The following MYH10 variants were observed in gnomAD, a reference collection of about 807,000 sequenced individuals.
MYH10 encodes the protein myosin heavy chain 10, also known as myosin-10.
In MYH10, 55 loss-of-function variants were observed where a neutral mutation model predicts 257.8. The observed-to-expected ratio is 0.21, with a 90% CI of 0.17 to 0.27. MYH10 has a LOEUF of 0.27. Ranked by LOEUF, MYH10 falls within the 10% of genes least tolerant of loss-of-function variation. The probability of loss-of-function intolerance (pLI) is 1.00; values close to 1 mark genes in which losing one functional copy is unlikely to be tolerated. For missense variants in MYH10, 1,631 were observed against 2,500.6 expected, an observed-to-expected ratio of 0.65 and a Z score of 7.42; for synonymous variants, 854 against 921.7, an observed-to-expected ratio of 0.93 and a Z score of 1.33.
intron 3 of MYH10, among the ~76,000 whole-genome samples, chr17:8,597,458 A>G (rs1232192021): frequency 6.6e-6 from 1 of 151,910 alleles, no homozygotes; most frequent in Non-Finnish European, 1.5e-5. Context: ...TAAAGAGGGA[A>G]TCCAGAATAG....
At position 8,545,521 on chromosome 17, in the gene MYH10, G is replaced by A; in HGVS notation, c.1358C>T (p.Ala453Val). The change falls in exon 13 of 43, where the codon GCT (alanine) becomes GTT (valine). Residue 453 changes from alanine (A) to valine (V), a missense_variant. By Grantham distance (64) the Ala-to-Val change is moderately conservative. Transcript: ENST00000360416. This position sits in a 1 kb window ranked among gnomAD's most constrained non-coding sequence, Gnocchi z 4.7. ...TCCCTGACGTTTGGTCCTATCCAGA[G>A]CTTTATTGATGCGATGAACGAGCCA... ...FRWLVHRINK[A>V]LDRTKRQGAS... is the part of the protein sequence containing the mutation. 6.2e-7 allele frequency: 1 copy of A among 1,614,152 alleles called. No individual in the cohort carries two copies. Among genetic ancestry groups the A allele is most frequent in the Non-Finnish European group, 8.5e-7 (1 of 1,180,018 alleles).
chr17:8,518,810 A>G lies in MYH10; in HGVS notation c.2344-19T>C, dbSNP rs369647874. On this transcript the variant is annotated intron_variant, in intron 20 of 42. Coordinates refer to ENST00000360416, the MANE Select transcript of MYH10 (RefSeq NM_001256012.3). ...CCCGGATCTAAGAGAGAAAGAGTTTATTTACTTTTTTTAACTACAAGAAAG... is the reference window on the plus strand; with the variant it reads ...CCCGGATCTAAGAGAGAAAGAGTTTGTTTACTTTTTTTAACTACAAGAAAG... 9.3e-6 allele frequency: 15 copies of G among 1,604,894 alleles called. No individual in the cohort carries two copies. Among genetic ancestry groups the G allele is most frequent in the Non-Finnish European group, 1.3e-5 (15 of 1,177,434 alleles).
In MYH10 at chr17:8,569,966, TTA is replaced by T. The variant is rs1338599678; in HGVS notation, c.664-156_664-155del. The stretch of plus-strand genomic sequence containing the variant: ...CCATCCAGCAACTTTTGTTGGCTTC[TTA>T]ATCCTGGTTATGATAATGGACTCCA... On this transcript the variant is annotated intron_variant, in intron 6 of 42. Transcript: ENST00000360416. The surrounding 1 kb of genome is among the most constrained non-coding windows in gnomAD (Gnocchi z 4.1). Among the ~76,000 whole-genome samples the T allele has an allele frequency of 6.6e-6, 1 of 152,208 alleles. No individual in the cohort carries two copies. Among genetic ancestry groups the T allele is most frequent in the Non-Finnish European group, 1.5e-5 (1 of 68,044 alleles).
At chr17:8,516,782 G>A (rs1041912404) in intron 21 of MYH10, among the ~76,000 whole-genome samples, 4 of 152,192 alleles carry the variant, frequency 2.6e-5, no homozygotes, top group Non-Finnish European at 4.4e-5. Flanking sequence ...AGTGGATACA[G>A]TGAGGAGAGT....
intron 17 of MYH10, among the ~76,000 whole-genome samples, chr17:8,529,918 A>G (rs2081962995): frequency 6.6e-6 from 1 of 152,202 alleles, no homozygotes; most frequent in South Asian, 2.1e-4. Context: ...GTATTGTAAT[A>G]CAGGGCTGAG....
In MYH10 at chr17:8,503,245, C is replaced by T. The variant is rs187391059; in HGVS notation, c.3599+1449G>A. Among the ~76,000 whole-genome samples, 634 of 151,882 alleles carry T rather than the reference C, an allele frequency of 4.2e-3. 3 individuals are homozygous for T. The highest frequency in any genetic ancestry group is 0.015 in the African/African-American group (601 of 41,246). On this transcript the variant is annotated intron_variant, in intron 28 of 42. Transcript: ENST00000360416. ...TTGCAGTGAGCCGAGATCGCACCAT[C>T]GTGCTCCGGCCTGGGCAACAAGAGC... is the stretch of plus-strand genomic sequence containing the variant.
intron 2 of MYH10, among the ~76,000 whole-genome samples, chr17:8,622,697 T>C (rs2085512709): frequency 6.6e-6 from 1 of 152,216 alleles, no homozygotes; most frequent in South Asian, 2.1e-4. Flanking sequence ...AATTGCAGCC[T>C]GTATTATTTA....
chr17:8,518,059 T>A (rs2081528960), intron 21 of MYH10, among the ~76,000 whole-genome samples: 1 of 148,344 alleles, frequency 6.7e-6, no homozygotes, highest in African/African-American at 2.5e-5. Context: ...TGAGAAGCAT[T>A]CTCTGAGGAC....
chr17:8,532,751 G>C (rs1424289256), intron 16 of MYH10, among the ~76,000 whole-genome samples: 1 of 152,166 alleles, frequency 6.6e-6, no homozygotes, highest in African/African-American at 2.4e-5. Flanking sequence ...TTTCTCAACT[G>C]GATCACTAGC....
At position 8,589,127 on chromosome 17, in the gene MYH10, C is replaced by T. The variant is rs1309126790; in HGVS notation, c.503-19G>A. 2 of 1,607,080 alleles carry T rather than the reference C, an allele frequency of 1.2e-6. No individual in the cohort carries two copies. Among genetic ancestry groups the T allele is most frequent in the Admixed American group, 1.7e-5 (1 of 58,314 alleles). ...TCACGATCTATAAAACAGAACAAAA[C>T]AAACAAAAAAAAGAAAGTGACCATT... On this transcript the variant is annotated intron_variant, in intron 3 of 42. Coordinates refer to ENST00000360416, the MANE Select transcript of MYH10 (RefSeq NM_001256012.3).
intron 36 of MYH10, among the ~76,000 whole-genome samples, chr17:8,485,706 T>C (rs1053418136): frequency 2.0e-5 from 3 of 152,140 alleles, no homozygotes; most frequent in South Asian, 4.1e-4. Context: ...TGTGGAGAAA[T>C]TGGAACCCTC....
Position 8,542,249 on chromosome 17 carries a change from T to C in MYH10, c.1463A>G (p.Tyr488Cys). 1 of 1,614,074 alleles carries C rather than the reference T, an allele frequency of 6.2e-7. No individual in the cohort carries two copies. Among genetic ancestry groups the C allele is most frequent in the South Asian group, 1.1e-5 (1 of 91,056 alleles). The stretch of plus-strand genomic sequence containing the variant: ...CAGCTGCTGCAGCTTCTCATTGGTG[T>C]AGTTGATGCAAAGTTGTTCAAAGGA... Reference protein sequence around the residue: ...LNSFEQLCINYTNEKLQQLFN... With the variant: ...LNSFEQLCINCTNEKLQQLFN... The change falls in exon 14 of 43, where the codon TAC becomes TGC. Residue 488 changes from tyrosine (Y) to cysteine (C), a missense_variant. Around this residue, in one of 11 missense-constraint regions of MYH10, gnomAD observed 63 missense variants for 167.9 expected, o/e 0.38. Transcript: ENST00000360416.
At chr17:8,591,941 T>C (rs971275007) in intron 3 of MYH10, among the ~76,000 whole-genome samples, 2 of 152,214 alleles carry the variant, frequency 1.3e-5, no homozygotes, top group Non-Finnish European at 2.9e-5. Flanking sequence ...CCACCTCTGC[T>C]TCACTGAATC....
chr17:8,585,616 G>A (rs1463695934), intron 4 of MYH10, among the ~76,000 whole-genome samples: 6 of 151,796 alleles, frequency 4.0e-5, no homozygotes, highest in African/African-American at 1.5e-4. Flanking sequence ...TAATAGACAT[G>A]AACATGAAAA....
intron 28 of MYH10, among the ~76,000 whole-genome samples, chr17:8,501,268 G>A (rs1377335639): frequency 6.6e-6 from 1 of 152,024 alleles, no homozygotes; most frequent in Non-Finnish European, 1.5e-5. Context: ...ACGCCAGCCT[G>A]GGCGAGTGAG....
At chr17:8,610,767 G>T (rs2085010019) in intron 2 of MYH10, among the ~76,000 whole-genome samples, 1 of 152,156 alleles carries the variant, frequency 6.6e-6, no homozygotes, top group South Asian at 2.1e-4. Context: ...CCTTGACCTT[G>T]GACTTCCCAG....
chr17:8,622,910 G>C lies in MYH10; in HGVS notation c.337C>G (p.Leu113Val), dbSNP rs1012910851. ...TTGGAAGAAATACTTACATAGATTA[G>C]TCCTGAATAGTAGCGATCCTTCAGA... ...HNLKDRYYSG[L>V]IYTYSGLFCV... is the part of the protein sequence containing the mutation. Residue 113 changes from leucine (L) to valine (V), a missense_variant, in exon 2 of 43, where the codon CTA (leucine) becomes GTA (valine). Leu to Val is a conservative substitution (Grantham distance 32). Transcript: ENST00000360416. The C allele has an allele frequency of 6.2e-7, 1 of 1,613,706 alleles. No individual in the cohort carries two copies. The highest frequency in any genetic ancestry group is 8.5e-7 in the Non-Finnish European group (1 of 1,179,690).
chr17:8,544,577 T>C (rs2082387096), intron 13 of MYH10, among the ~76,000 whole-genome samples: 1 of 152,226 alleles, frequency 6.6e-6, no homozygotes, highest in African/African-American at 2.4e-5. Flanking sequence ...GATAGACTTA[T>C]AATTTTAAAG....
At chr17:8,579,873 A>G (rs997027060) in intron 4 of MYH10, among the ~76,000 whole-genome samples, 2 of 152,166 alleles carry the variant, frequency 1.3e-5, no homozygotes, top group Non-Finnish European at 2.9e-5. Context: ...TTATGATTTC[A>G]GGTAAGAATT....
Sources: gnomAD v4.1 joint callset for allele counts (sites outside exome capture counted in the v4.1 genomes callset) on GRCh38, gnomAD v4.1.1 for gene constraint, gnomAD v4.1.1 regional missense constraint, Gnocchi (gnomAD v3.1) non-coding constraint, MANE v1.5 for transcripts, NCBI Gene and HGNC (gene_info 2026-07-23, HGNC 2026-07-21) for gene names.